The following MOV10L1 variants were observed in gnomAD, a reference collection of about 807,000 sequenced individuals.
MOV10L1 encodes Mov10 like RNA helicase 1.
MOV10L1 carries 110 observed loss-of-function variants against 143.8 expected under a neutral mutation model. The ratio of observed to expected loss-of-function variants is 0.76; its 90% CI spans 0.66 to 0.90. The LOEUF (loss-of-function observed/expected upper bound fraction) is 0.90, where lower values mean the gene tolerates loss of function less well. Ranked by LOEUF, MOV10L1 falls within the 40% of genes least tolerant of loss-of-function variation. The pLI, the probability that MOV10L1 is intolerant of heterozygous loss-of-function variation, is 0.00. For missense variants in MOV10L1, 1,406 were observed against 1,526.8 expected, an observed-to-expected ratio of 0.92 and a Z score of 1.32; for synonymous variants, 593 against 581.1, an observed-to-expected ratio of 1.02 and a Z score of -0.29.
In MOV10L1 at chr22:50,149,675, C is replaced by A; in HGVS notation, c.2688C>A (p.Cys896Ter). 2.5e-6 allele frequency: 4 copies of A among 1,614,028 alleles called. No individual in the cohort carries two copies. Among genetic ancestry groups the A allele is most frequent in the Non-Finnish European group, 3.4e-6 (4 of 1,179,930 alleles). ...DEAGQASEPE[C>*]LIPLGLMSDI... ...CTGGGCAGGCAAGTGAGCCGGAATG[C>A]CTCATTCCTCTGGGGCTGATGTCGG... The change falls in exon 20 of 27, where the codon TGC (cysteine) becomes TGA (stop). Residue 896 changes from cysteine to a stop codon, truncating the protein, a stop_gained. Coordinates refer to ENST00000262794, the MANE Select transcript of MOV10L1 (RefSeq NM_018995.3). LOFTEE classifies it high-confidence loss of function.
At chr22:50,103,743 G>C (rs1171912961) in intron 3 of MOV10L1, among the ~76,000 whole-genome samples, 1 of 152,002 alleles carries the variant, frequency 6.6e-6, no homozygotes, top group Admixed American at 6.6e-5. Flanking sequence ...CACCCAGCTG[G>C]GTCACACATC....
chr22:50,098,215 TAAGTATTAAG>T (rs2062639992), intron 2 of MOV10L1, among the ~76,000 whole-genome samples: 2 of 69,758 alleles, frequency 2.9e-5, no homozygotes, highest in African/African-American at 1.1e-4. Flanking sequence ...TAATAATAAT[TAAGTATTAAG>T]ATTAACATCT....
intron 10 of MOV10L1, among the ~76,000 whole-genome samples, chr22:50,121,614 G>A (rs981435958): frequency 4.6e-5 from 7 of 152,194 alleles, no homozygotes; most frequent in Non-Finnish European, 7.3e-5. Flanking sequence ...GCCATGAGTC[G>A]CGAGCGCAGT....
intron 18 of MOV10L1, among the ~76,000 whole-genome samples, chr22:50,145,036 G>A (rs891582239): frequency 5.9e-5 from 9 of 151,904 alleles, no homozygotes; most frequent in South Asian, 4.2e-4. Context: ...TCCGCCTCCC[G>A]GGTTCAAGCA....
chr22:50,161,375 G>A lies in MOV10L1; in HGVS notation c.3562G>A (p.Glu1188Lys), dbSNP rs747782134. 3.1e-6 allele frequency: 5 copies of A among 1,596,822 alleles called. No homozygotes were observed. Among genetic ancestry groups the A allele is most frequent in the East Asian group, 2.3e-5 (1 of 44,134 alleles). ...CTTCTCCTCTGTCTACAGCTGTGGC[G>A]AGGGGGTGGCAGACCCCTCCTACCC... ...PALQSLQNCG[E>K]GVADPSYPVV... The change falls in exon 27 of 27, where the codon GAG becomes AAG. Residue 1188 changes from glutamate to lysine, a missense_variant. This residue lies in a region of MOV10L1 where 1,233 missense variants were observed against 1,351.4 expected (regional missense o/e 0.91). Coordinates refer to ENST00000262794, the MANE Select transcript of MOV10L1 (RefSeq NM_018995.3).
rs913960087 is a variant in MOV10L1, at chr22:50,090,571, C to T, written c.97+386C>T. The stretch of plus-strand genomic sequence containing the variant: ...GCAGACTTGGCCTGTCCTTTCAGAA[C>T]GCGCTGCGCCAAGGCGTGCCATTTC... On this transcript the variant is annotated intron_variant, in intron 1 of 26. Coordinates refer to ENST00000262794, the MANE Select transcript of MOV10L1 (RefSeq NM_018995.3). The T allele has an allele frequency of 1.0e-4, 158 of 1,566,186 alleles. 1 individual carries two copies. The highest frequency in any genetic ancestry group is 5.0e-4 in the Middle Eastern group (3 of 5,992).
At chr22:50,121,524 G>A (rs138233) in intron 10 of MOV10L1, among the ~76,000 whole-genome samples, 35,653 of 152,134 alleles carry the variant, frequency 0.23, 5,139 homozygotes, top group Non-Finnish European at 0.33. Flanking sequence ...TTCTTAGGAT[G>A]GAAGGTGCAA....
At chr22:50,125,826 C>T (rs1252586267) in intron 11 of MOV10L1, among the ~76,000 whole-genome samples, 2 of 151,996 alleles carry the variant, frequency 1.3e-5, no homozygotes, top group Admixed American at 1.3e-4. Context: ...CTCGCTGTGT[C>T]GCCCAGGCTG....
chr22:50,098,266 TA>T (rs1319349220), intron 2 of MOV10L1, among the ~76,000 whole-genome samples: 3 of 82,848 alleles, frequency 3.6e-5, no homozygotes, highest in African/African-American at 9.0e-5. Flanking sequence ...AACATCTTAA[TA>T]ATCACATAAT....
intron 18 of MOV10L1, among the ~76,000 whole-genome samples, chr22:50,144,767 G>C (rs1010271995): frequency 6.6e-6 from 1 of 152,074 alleles, no homozygotes; most frequent in South Asian, 2.1e-4. Context: ...ATTTTTAGTA[G>C]AGACGGAGTT....
chr22:50,116,986 A>G (rs2147165106), intron 8 of MOV10L1, among the ~76,000 whole-genome samples, 171 bp from the exon 9 acceptor site: 1 of 152,328 alleles, frequency 6.6e-6, no homozygotes, highest in South Asian at 2.1e-4. Flanking sequence ...TTGAGAAAAT[A>G]TTAATTACAT....
At chr22:50,094,566 A>AC (rs2062539398) in intron 2 of MOV10L1, 1 of 151,818 alleles carries the variant, frequency 6.6e-6, no homozygotes, top group Admixed American at 6.6e-5. Flanking sequence ...CGCCCAGCTA[A>AC]TTTTTTGTAT....
At chr22:50,106,016 G>C (rs373735582) in intron 3 of MOV10L1, among the ~76,000 whole-genome samples, 1 of 152,146 alleles carries the variant, frequency 6.6e-6, no homozygotes, top group Admixed American at 6.5e-5. Context: ...GCTTTACTCC[G>C]TTAACATCCT....
Position 50,152,533 on chromosome 22 carries a change from G to A in MOV10L1, c.2893-512G>A, listed in dbSNP as rs1224616633. On this transcript the variant is annotated intron_variant, in intron 21 of 26. Coordinates refer to ENST00000262794, the MANE Select transcript of MOV10L1 (RefSeq NM_018995.3). The surrounding 1 kb of genome is among the most constrained non-coding windows in gnomAD (Gnocchi z 4.4). ...GGTGATATCACAGTCACCCTCAGCC[G>A]CATCAGTGAAGTCACAGCCAGGCCC... is the stretch of plus-strand genomic sequence containing the variant. Among the ~76,000 whole-genome samples the A allele has an allele frequency of 1.3e-5, 2 of 152,154 alleles. No homozygotes were observed. Among genetic ancestry groups the A allele is most frequent in the Non-Finnish European group, 2.9e-5 (2 of 68,010 alleles).
intron 13 of MOV10L1, among the ~76,000 whole-genome samples, chr22:50,131,826 A>G (rs1353187193): frequency 1.3e-5 from 2 of 152,110 alleles, no homozygotes; most frequent in African/African-American, 4.8e-5. Flanking sequence ...CACCAACATT[A>G]CAGGGTCTTA....
intron 3 of MOV10L1, among the ~76,000 whole-genome samples, chr22:50,102,676 C>T (rs1051058088): frequency 6.6e-6 from 1 of 151,986 alleles, no homozygotes; most frequent in Non-Finnish European, 1.5e-5. Context: ...CTGAGGCGGG[C>T]GGATCACCTG....
rs1206216947 is a variant in MOV10L1, at chr22:50,145,708, A to G, written c.2525A>G (p.Lys842Arg). ...RFEEIVIDAVKPYCRDGEDIW... is the reference protein window; with the variant it reads ...RFEEIVIDAVRPYCRDGEDIW... ...CCCCAGATAGTTATTGACGCCGTCA[A>G]ACCGTATTGCAGAGACGGAGAAGAC... The change falls in exon 19 of 27, where the codon AAA becomes AGA. Residue 842 changes from lysine to arginine, a missense_variant. This residue lies in a region of MOV10L1 where 1,233 missense variants were observed against 1,351.4 expected (regional missense o/e 0.91). Transcript: ENST00000262794. The G allele has an allele frequency of 1.2e-6, 2 of 1,614,142 alleles. No individual in the cohort carries two copies. The highest frequency in any genetic ancestry group is 1.7e-6 in the Non-Finnish European group (2 of 1,180,032).
chr22:50,092,125 A>G lies in MOV10L1; in HGVS notation c.222A>G (p.Gly74=). Residue 74 remains glycine (G), a synonymous_variant, in exon 2 of 27, where the codon GGA becomes GGG. Coordinates refer to ENST00000262794, the MANE Select transcript of MOV10L1 (RefSeq NM_018995.3). The part of the protein sequence containing the change: ...AVTSRVLLNV[G]QEVIAVVEEN... ...CTAGCAGAGTGCTTCTGAATGTTGG[A>G]CAGGAAGTGATTGCAGTTGTGGAAG... is the stretch of plus-strand genomic sequence containing the variant. 7 of 1,614,196 alleles carry G rather than the reference A, an allele frequency of 4.3e-6. No individual in the cohort carries two copies. Among genetic ancestry groups the G allele is most frequent in the Non-Finnish European group, 3.4e-6 (4 of 1,180,042 alleles).
Position 50,113,644 on chromosome 22 carries a change from TC to T in MOV10L1, c.744-3del. The T allele has an allele frequency of 6.2e-7, 1 of 1,612,644 alleles. No homozygotes were observed. The highest frequency in any genetic ancestry group is 2.2e-5 in the East Asian group (1 of 44,832). On this transcript the variant is annotated splice_region_variant and splice_polypyrimidine_tract_variant and intron_variant, in intron 5 of 26. Transcript: ENST00000262794. ...GGGATGTCTTTCTGGGGCTCTTTTT[TC>T]AGAGACGCCGCCCCTGTTCATGAGG... is the stretch of plus-strand genomic sequence containing the variant.
Sources: gnomAD v4.1 joint callset for allele counts (sites outside exome capture counted in the v4.1 genomes callset) on GRCh38, gnomAD v4.1.1 for gene constraint, gnomAD v4.1.1 regional missense constraint, Gnocchi (gnomAD v3.1) non-coding constraint, MANE v1.5 for transcripts, NCBI Gene and HGNC (gene_info 2026-07-23, HGNC 2026-07-21) for gene names.